The following TMEM255B variants were observed in gnomAD, a reference collection of about 807,000 sequenced individuals.
TMEM255B encodes the protein transmembrane protein 255B.
A neutral mutation model predicts 34.5 loss-of-function variants in TMEM255B; 35 were observed. That is an observed-to-expected ratio of 1.01 (90% CI 0.77 to 1.34). The LOEUF (loss-of-function observed/expected upper bound fraction) is 1.34, where lower values mean the gene tolerates loss of function less well. Among genes scored for constraint, TMEM255B ranks in the 40% most tolerant of loss-of-function variants. The pLI is 0.00. For synonymous variants in TMEM255B, 206 were observed against 201.2 expected, an observed-to-expected ratio of 1.02 and a Z score of -0.20; for missense variants, 432 against 433.2, an observed-to-expected ratio of 1.00 and a Z score of 0.02.
chr13:113,777,089 G>T (rs1367814954), intron 3 of TMEM255B, among the ~76,000 whole-genome samples: 1 of 152,050 alleles, frequency 6.6e-6, no homozygotes, highest in African/African-American at 2.4e-5. Flanking sequence ...TTCTGGCTGT[G>T]TCCAAATATC....
chr13:113,774,851 T>TGCACACCACATACACCACACAAC (rs1248181807), intron 3 of TMEM255B, among the ~76,000 whole-genome samples: 1 of 127,924 alleles, frequency 7.8e-6, no homozygotes, highest in African/African-American at 3.1e-5. Context: ...CAACACACAA[T>TGCACACCACATACACCACACAAC]GCACACCACA....
chr13:113,796,567 C>T (rs1305580898), intron 4 of TMEM255B, among the ~76,000 whole-genome samples: 9 of 152,022 alleles, frequency 5.9e-5, no homozygotes, highest in South Asian at 2.1e-4. Context: ...CACCACACCA[C>T]GCTCTTTTCA....
At chr13:113,759,648 T>C (rs2050262636) in intron 1 of TMEM255B, among the ~76,000 whole-genome samples, 1 of 152,224 alleles carries the variant, frequency 6.6e-6, no homozygotes, top group Non-Finnish European at 1.5e-5. Context: ...TCTCTCCCTG[T>C]TACGTTTTAT....
intron 3 of TMEM255B, among the ~76,000 whole-genome samples, chr13:113,786,116 C>A (rs1442073530): frequency 6.6e-6 from 1 of 152,186 alleles, no homozygotes; most frequent in Non-Finnish European, 1.5e-5. Flanking sequence ...CTCTGGACTT[C>A]GGGATTCTAG....
Position 113,759,257 on chromosome 13 carries a change from G to A in TMEM255B, c.-13G>A, listed in dbSNP as rs985622620. On this transcript the variant is annotated 5_prime_UTR_variant, in exon 1 of 9. In the 5' UTR this introduces an upstream ATG that the reference lacks. Transcript: ENST00000375353. ...GTGGCTGTGGCCCCGGGAGAGCCGG[G>A]TGGGGCCTCGGGATGCAGCCGCCGG... 4.9e-6 allele frequency: 6 copies of A among 1,228,220 alleles called. No individual in the cohort carries two copies. The highest frequency in any genetic ancestry group is 4.1e-5 in the South Asian group (1 of 24,294). 76.1% of individuals were successfully genotyped at this position (1,228,220 alleles called of 1,614,324 possible). A position where few individuals can be genotyped will look rare whatever the true frequency, so the allele number is the denominator to read the frequency against.
Position 113,814,451 on chromosome 13 carries a change from G to A in TMEM255B, c.*2548G>A, listed in dbSNP as rs909666531. On this transcript the variant is annotated 3_prime_UTR_variant, in exon 9 of 9. Coordinates refer to ENST00000375353, the MANE Select transcript of TMEM255B (RefSeq NM_182614.4). ...GCTGTTCAAAAATATTCAACTCCAAGGTCAACAGTTTTGTTCTTGCCACAA... is the reference window on the plus strand; with the variant it reads ...GCTGTTCAAAAATATTCAACTCCAAAGTCAACAGTTTTGTTCTTGCCACAA... 4 of 152,232 alleles carry A rather than the reference G, an allele frequency of 2.6e-5. No individual in the cohort carries two copies. The highest frequency in any genetic ancestry group is 9.6e-5 in the African/African-American group (4 of 41,452). 9.4% of individuals were successfully genotyped at this position (152,232 alleles called of 1,614,324 possible). A position where few individuals can be genotyped will look rare whatever the true frequency, so the allele number is the denominator to read the frequency against.
At chr13:113,762,986 T>C (rs2050332414) in intron 1 of TMEM255B, among the ~76,000 whole-genome samples, 1 of 152,262 alleles carries the variant, frequency 6.6e-6, no homozygotes, top group Non-Finnish European at 1.5e-5. Context: ...TTAGAAATTG[T>C]ATTGCTCTTA....
rs1045131381 is a variant in TMEM255B, at chr13:113,759,311, C to G, written c.42C>G (p.Pro14=). 1 of 1,229,462 alleles carries G rather than the reference C, an allele frequency of 8.1e-7. No individual in the cohort carries two copies. The highest frequency in any genetic ancestry group is 1.0e-6 in the Non-Finnish European group (1 of 986,478). 76.2% of individuals were successfully genotyped at this position (1,229,462 alleles called of 1,614,324 possible). Residue 14 remains proline, a synonymous_variant, in exon 1 of 9, where the codon CCC becomes CCG. Coordinates refer to ENST00000375353, the MANE Select transcript of TMEM255B (RefSeq NM_182614.4). ...PVPGPLGLLD[P]AEGLSRRKKT... ...CCGGGCCCCTGGGCCTGCTGGACCCCGCAGGTGAGCGCGGGGCTGGGGGCT... is the reference window on the plus strand; with the variant it reads ...CCGGGCCCCTGGGCCTGCTGGACCCGGCAGGTGAGCGCGGGGCTGGGGGCT...
At chr13:113,787,822 G>C (rs1163268955) in intron 3 of TMEM255B, among the ~76,000 whole-genome samples, 1 of 151,280 alleles carries the variant, frequency 6.6e-6, no homozygotes, top group Non-Finnish European at 1.5e-5. Flanking sequence ...GGCAGGCAGG[G>C]CATGGTGACC....
chr13:113,775,656 C>T (rs553196820), intron 3 of TMEM255B, among the ~76,000 whole-genome samples: 252 of 152,386 alleles, frequency 1.7e-3, no homozygotes, highest in African/African-American at 5.8e-3. Context: ...CCCACGACCT[C>T]ACCCACAGCG....
At chr13:113,794,214 C>T (rs1280345420) in intron 3 of TMEM255B, among the ~76,000 whole-genome samples, 3 of 152,152 alleles carry the variant, frequency 2.0e-5, no homozygotes, top group African/African-American at 7.2e-5. Flanking sequence ...TGCCGGGCGT[C>T]TTTGCAAGTG....
At chr13:113,788,477 G>A (rs1414593459) in intron 3 of TMEM255B, among the ~76,000 whole-genome samples, 1 of 151,948 alleles carries the variant, frequency 6.6e-6, no homozygotes, top group Non-Finnish European at 1.5e-5. Flanking sequence ...CACTGCCTGC[G>A]TGGCCTGGCA....
intron 3 of TMEM255B, among the ~76,000 whole-genome samples, chr13:113,774,586 CACA>C (rs1344079409): frequency 1.4e-5 from 2 of 144,512 alleles, no homozygotes; most frequent in Admixed American, 6.7e-5. Context: ...ACACACACCA[CACA>C]ACACACAAAT....
chr13:113,773,733 C>T (rs563046475), intron 3 of TMEM255B, among the ~76,000 whole-genome samples: 7 of 152,308 alleles, frequency 4.6e-5, no homozygotes, highest in South Asian at 4.1e-4. Flanking sequence ...GTGAGTGCTG[C>T]GTGATCGTAG....
chr13:113,800,274 G>C (rs1218244224), intron 5 of TMEM255B, among the ~76,000 whole-genome samples: 1 of 140,800 alleles, frequency 7.1e-6, no homozygotes, highest in Non-Finnish European at 1.5e-5. Flanking sequence ...GAGGTGTCCT[G>C]TGTGTGTGTG....
At chr13:113,779,997 C>CCTTTTAAATTGT (rs1420089555) in intron 3 of TMEM255B, among the ~76,000 whole-genome samples, 28 of 152,122 alleles carry the variant, frequency 1.8e-4, no homozygotes, top group Admixed American at 1.8e-3. Flanking sequence ...TTCACATAGG[C>CCTTTTAAATTGT]CTTTTAAATT....
rs115757797 is a variant in TMEM255B at position 113,766,367 on chromosome 13, T to C, written c.189+110T>C. ...GGGCTGGGGCTGAAGGTGGGGAGGC[T>C]TCGATCAGTGCTTGTGGTCGGCAGG... On this transcript the variant is annotated intron_variant, in intron 2 of 8. Coordinates refer to ENST00000375353, the MANE Select transcript of TMEM255B (RefSeq NM_182614.4). 1.0e-3 allele frequency: 1,518 copies of C among 1,492,864 alleles called. 18 individuals are homozygous for C. The African/African-American group carries it at 0.02, about 19-fold the overall frequency. The allele number at this position is 1,492,864 out of a possible 1,614,324, so 92.5% of individuals were successfully genotyped here. A position where few individuals can be genotyped will look rare whatever the true frequency, so the allele number is the denominator to read the frequency against.
At chr13:113,797,421 C>T (rs79231551) in intron 4 of TMEM255B, among the ~76,000 whole-genome samples, 1,907 of 152,286 alleles carry the variant, frequency 0.013, 23 homozygotes, top group Non-Finnish European at 0.018. Context: ...CCGAGGACAC[C>T]GTGCTGCTAG....
rs139828029 is a variant in TMEM255B at position 113,799,415 on chromosome 13, C to T, written c.419C>T (p.Thr140Ile). ...GGGTACTTGTACGATGTCTACCAGA[C>T]AGAGGTGAGCAGGAGCACTGAGATT... ...GVGYLYDVYQ[T>I]EVTCHSLDGK... Residue 140 changes from threonine (T) to isoleucine (I), a missense_variant, in exon 5 of 9, where the codon ACA becomes ATA. Thr to Ile is a moderately conservative substitution (Grantham distance 89). Coordinates refer to ENST00000375353, the MANE Select transcript of TMEM255B (RefSeq NM_182614.4). 17 of 1,613,838 alleles carry T rather than the reference C, an allele frequency of 1.1e-5. No homozygotes were observed. The African/African-American group carries it at 2.0e-4, about 19-fold the overall frequency.
Sources: allele counts gnomAD v4.1 joint callset (sites outside exome capture counted in the v4.1 genomes callset), GRCh38; gene constraint gnomAD v4.1.1; transcripts MANE v1.5; gene names NCBI Gene and HGNC (gene_info 2026-07-23, HGNC 2026-07-21).